DLGAP2: variants seen among roughly 807,000 people sequenced by gnomAD.
The protein encoded by DLGAP2 is DLG associated protein 2.
DLGAP2 carries 26 observed loss-of-function variants against 100.3 expected under a neutral mutation model. That is an observed-to-expected ratio of 0.26 (90% CI 0.19 to 0.36). DLGAP2 has a LOEUF of 0.36. Among genes scored for constraint, DLGAP2 ranks in the 10% least tolerant of loss-of-function variants. The pLI, the probability that DLGAP2 is intolerant of heterozygous loss-of-function variation, is 1.00. For missense variants in DLGAP2, 1,858 were observed against 1,453.2 expected (o/e 1.28, Z -4.53); for synonymous variants, 886 against 630.1 (o/e 1.41, Z -6.08).
chr8:1,036,635 G>T (rs1362053758), intron 2 of DLGAP2, among the ~76,000 whole-genome samples: 1 of 152,132 alleles, frequency 6.6e-6, no homozygotes, highest in Admixed American at 6.5e-5. Flanking sequence ...AGAGACCAGT[G>T]CTTGGTCAAG....
At chr8:1,139,806 C>T (rs1796490007) in intron 2 of DLGAP2, among the ~76,000 whole-genome samples, 1 of 152,032 alleles carries the variant, frequency 6.6e-6, no homozygotes, top group South Asian at 2.1e-4. Flanking sequence ...TCTCTCAGCA[C>T]CGTAAGTGTA....
intron 2 of DLGAP2, among the ~76,000 whole-genome samples, chr8:1,061,463 C>G (rs985146163): frequency 8.5e-5 from 13 of 152,256 alleles, no homozygotes; most frequent in African/African-American, 3.1e-4. Context: ...ACAGTTATAA[C>G]TCTGCAGCCC....
rs749807967 is a variant in DLGAP2, at chr8:1,678,489, C to G, written c.2564C>G (p.Thr855Arg). The G allele has an allele frequency of 6.2e-7, 1 of 1,613,014 alleles. No individual in the cohort carries two copies. The highest frequency in any genetic ancestry group is 8.5e-7 in the Non-Finnish European group (1 of 1,179,538). Residue 855 changes from threonine to arginine, a missense_variant, in exon 12 of 15, where the codon ACG (threonine) becomes AGG (arginine). Transcript: ENST00000637795. Reference protein sequence around the residue: ...PDPWLEPAIDTVETGRMSPCR... With the variant: ...PDPWLEPAIDRVETGRMSPCR... ...CCCTGGCTGGAGCCCGCCATCGACA[C>G]GGTAGAGACTGGGAGGATGTCTCCG...
intron 2 of DLGAP2, among the ~76,000 whole-genome samples, chr8:1,022,347 A>G (rs1801649244): frequency 6.9e-6 from 1 of 145,782 alleles, no homozygotes; most frequent in Non-Finnish European, 1.5e-5. Context: ...GTGCCGAGGT[A>G]GACACTCTAA....
At chr8:1,661,723 G>A (rs764667690) in intron 8 of DLGAP2, among the ~76,000 whole-genome samples, 1 of 152,182 alleles carries the variant, frequency 6.6e-6, no homozygotes, top group Non-Finnish European at 1.5e-5. Context: ...TATCTGGGAG[G>A]CCTGATGGCT....
chr8:911,423 G>A (rs1402235300), intron 2 of DLGAP2, among the ~76,000 whole-genome samples: 1 of 152,144 alleles, frequency 6.6e-6, no homozygotes, highest in Non-Finnish European at 1.5e-5. Flanking sequence ...ACTGGAGAAT[G>A]TTGGAAGGAT....
chr8:790,663 C>G lies in DLGAP2; in HGVS notation c.18+52838C>G, dbSNP rs369506863. Among the ~76,000 whole-genome samples, 229 of 152,290 alleles carry G rather than the reference C, an allele frequency of 1.5e-3. 12 individuals are homozygous for G. The South Asian group carries it at 0.047, about 31-fold the overall frequency. Reference sequence around the variant, plus strand: ...CTATGCTGACAAGAACTCCGTATTTCATTTCCTGGTTTCTCTCTTTCATTT... The same window carrying G: ...CTATGCTGACAAGAACTCCGTATTTGATTTCCTGGTTTCTCTCTTTCATTT... On this transcript the variant is annotated intron_variant, in intron 1 of 14. Transcript: ENST00000637795.
At chr8:1,290,487 C>T (rs1800034424) in intron 3 of DLGAP2, among the ~76,000 whole-genome samples, 1 of 152,152 alleles carries the variant, frequency 6.6e-6, no homozygotes, top group African/African-American at 2.4e-5. Context: ...AGGATAAAAT[C>T]ATATAAGGCT....
At chr8:1,069,844 C>G (rs952117737) in intron 2 of DLGAP2, among the ~76,000 whole-genome samples, 1 of 152,170 alleles carries the variant, frequency 6.6e-6, no homozygotes, top group Non-Finnish European at 1.5e-5. Flanking sequence ...GGGCCTGTGG[C>G]TGCCTCACGT....
chr8:1,227,481 AG>A (rs1177061395), intron 2 of DLGAP2, among the ~76,000 whole-genome samples: 6 of 150,630 alleles, frequency 4.0e-5, no homozygotes, highest in African/African-American at 1.2e-4. Context: ...CCTACAGTTG[AG>A]ATTTGCTTCT....
intron 3 of DLGAP2, among the ~76,000 whole-genome samples, chr8:1,336,331 A>T (rs567728886): frequency 6.6e-6 from 1 of 152,184 alleles, no homozygotes; most frequent in South Asian, 2.1e-4. Flanking sequence ...GAAGTGAAGA[A>T]GGGAGAGGGG....
chr8:1,097,964 A>C (rs954206054), intron 2 of DLGAP2, among the ~76,000 whole-genome samples: 3 of 152,250 alleles, frequency 2.0e-5, no homozygotes, highest in Non-Finnish European at 4.4e-5. Context: ...TCTGCCTTTG[A>C]CTGAGTCTGC....
At chr8:957,418 G>GC (rs1235084344) in intron 2 of DLGAP2, among the ~76,000 whole-genome samples, 1 of 152,194 alleles carries the variant, frequency 6.6e-6, no homozygotes, top group African/African-American at 2.4e-5. Flanking sequence ...TGGAAGCTGG[G>GC]TTTAAAGCGT....
intron 4 of DLGAP2, among the ~76,000 whole-genome samples, chr8:1,516,490 C>G (rs538642301): frequency 1.5e-5 from 2 of 129,552 alleles, no homozygotes; most frequent in Admixed American, 8.0e-5. Context: ...TGAAAGAGTA[C>G]ATGAATGAGT....
chr8:1,230,036 A>G (rs1798502994), intron 2 of DLGAP2, among the ~76,000 whole-genome samples: 1 of 152,214 alleles, frequency 6.6e-6, no homozygotes, highest in Admixed American at 6.5e-5. Context: ...AAAACGTAGT[A>G]AAAGACATCC....
rs76439842 is a variant in DLGAP2 at position 1,264,187 on chromosome 8, G to C, written c.106+5304G>C. ...GAAAACAAAAGAAAGGGGATCCCCT[G>C]AGCCCCAAGAACTAAGAAGGAATTC... On this transcript the variant is annotated intron_variant, in intron 3 of 14. Coordinates refer to ENST00000637795, the MANE Select transcript of DLGAP2 (RefSeq NM_001346810.2). Among the ~76,000 whole-genome samples the C allele has an allele frequency of 4.8e-3, 736 of 152,220 alleles. 3 individuals carry two copies. Among genetic ancestry groups the C allele is most frequent in the African/African-American group, 0.017 (691 of 41,530 alleles).
chr8:856,809 T>C (rs973955675), intron 1 of DLGAP2, among the ~76,000 whole-genome samples: 2 of 152,190 alleles, frequency 1.3e-5, no homozygotes, highest in Non-Finnish European at 2.9e-5. Flanking sequence ...CTTAACGTGT[T>C]CTATACATTC....
intron 2 of DLGAP2, among the ~76,000 whole-genome samples, chr8:1,059,059 C>T (rs530339156): frequency 3.2e-4 from 48 of 152,152 alleles, no homozygotes; most frequent in East Asian, 7.7e-4. Flanking sequence ...AGGGCTCCCC[C>T]CATGTGTCCA....
chr8:1,682,911 G>A (rs770250031), intron 12 of DLGAP2, among the ~76,000 whole-genome samples: 5 of 151,540 alleles, frequency 3.3e-5, no homozygotes, highest in African/African-American at 4.8e-5. Context: ...TGGTTTCGTG[G>A]TGGGATTTTT....
Sources: gnomAD v4.1 joint callset for allele counts (sites outside exome capture counted in the v4.1 genomes callset) on GRCh38, gnomAD v4.1.1 for gene constraint, MANE v1.5 for transcripts, NCBI Gene and HGNC (gene_info 2026-07-23, HGNC 2026-07-21) for gene names.